PIK3C2G: variants seen among roughly 807,000 people sequenced by gnomAD.
PIK3C2G encodes the protein phosphatidylinositol 3-kinase C2 domain-containing subunit gamma.
A neutral mutation model predicts 181.1 loss-of-function variants in PIK3C2G; 168 were observed. That is an observed-to-expected ratio of 0.93 (90% CI 0.82 to 1.05). PIK3C2G has a LOEUF of 1.05. Among genes scored for constraint, PIK3C2G ranks in the 50% least tolerant of loss-of-function variants. The pLI is 0.00. For missense variants in PIK3C2G, 1,869 were observed against 1,732.8 expected (o/e 1.08, Z -1.40); for synonymous variants, 573 against 592.2 (o/e 0.97, Z 0.47).
At chr12:18,614,483 C>G (rs995444805) in intron 31 of PIK3C2G, among the ~76,000 whole-genome samples, 1 of 152,076 alleles carries the variant, frequency 6.6e-6, no homozygotes, top group African/African-American at 2.4e-5. Context: ...TGAAACTTCA[C>G]TGGACATTGG....
the PIK3C2G span, among the ~76,000 whole-genome samples, chr12:18,659,806 T>A: frequency 1.3e-5 from 2 of 152,042 alleles, no homozygotes; most frequent in Non-Finnish European, 2.9e-5. Flanking sequence ...GTATATCACC[T>A]AATGCTAAAA....
At chr12:18,363,804 T>C (rs968204498) in intron 12 of PIK3C2G, among the ~76,000 whole-genome samples, 2 of 152,124 alleles carry the variant, frequency 1.3e-5, no homozygotes, top group Admixed American at 6.6e-5. Context: ...CCACAATCAA[T>C]GGAGACTGTG....
At chr12:18,295,131 T>G (rs924652552) in intron 5 of PIK3C2G, among the ~76,000 whole-genome samples, 1 of 150,254 alleles carries the variant, frequency 6.7e-6, no homozygotes, top group Non-Finnish European at 1.5e-5. Flanking sequence ...TAAATAATTA[T>G]ACATAAACAA....
intron 23 of PIK3C2G, 51 bp from the exon 24 acceptor site, chr12:18,505,241 T>C: frequency 6.9e-7 from 1 of 1,453,664 alleles, no homozygotes; most frequent in Non-Finnish European, 9.4e-7. Flanking sequence ...TGCTAATGCA[T>C]TTGCTCATTT....
intron 24 of PIK3C2G, among the ~76,000 whole-genome samples, chr12:18,533,982 C>A (rs1053705666): frequency 8.2e-6 from 1 of 122,498 alleles, no homozygotes; most frequent in Non-Finnish European, 1.6e-5. Context: ...CAGAGCCTTG[C>A]TCTGTCTCCC....
At chr12:18,273,125 ATAT>A (rs2137064733) in intron 1 of PIK3C2G, among the ~76,000 whole-genome samples, 1 of 152,258 alleles carries the variant, frequency 6.6e-6, no homozygotes, top group South Asian at 2.1e-4. Context: ...TACACACAAA[ATAT>A]TATGAGGATG....
At chr12:18,279,653 T>C (rs957497969) in intron 1 of PIK3C2G, among the ~76,000 whole-genome samples, 1 of 152,022 alleles carries the variant, frequency 6.6e-6, no homozygotes, top group Non-Finnish European at 1.5e-5. Flanking sequence ...AGTTCCATGA[T>C]AGACAGTTGA....
chr12:18,449,263 ACT>A (rs1476273546), intron 18 of PIK3C2G, among the ~76,000 whole-genome samples: 1 of 151,386 alleles, frequency 6.6e-6, no homozygotes, highest in Non-Finnish European at 1.5e-5. Flanking sequence ...TTTGCATATA[ACT>A]CTTTTTTATT....
the PIK3C2G span, chr12:18,714,808 A>G: frequency 6.6e-6 from 1 of 152,216 alleles, no homozygotes; most frequent in East Asian, 1.9e-4. Flanking sequence ...ATGCTGCCAA[A>G]CATTCTGCAA....
intron 1 of PIK3C2G, among the ~76,000 whole-genome samples, chr12:18,255,511 C>G (rs766009081): frequency 2.6e-5 from 4 of 152,178 alleles, no homozygotes; most frequent in Admixed American, 6.5e-5. Context: ...TATAATACAG[C>G]TTTGCCATGT....
intron 1 of PIK3C2G, among the ~76,000 whole-genome samples, chr12:18,255,050 G>A (rs1948130356): frequency 6.6e-6 from 1 of 151,516 alleles, no homozygotes; most frequent in Admixed American, 6.6e-5. Flanking sequence ...CCAACATGGT[G>A]AAACCCCGTC....
chr12:18,318,028 CATT>C (rs1950943999), intron 6 of PIK3C2G, among the ~76,000 whole-genome samples: 2 of 152,140 alleles, frequency 1.3e-5, no homozygotes, highest in Non-Finnish European at 1.5e-5. Context: ...AATTCTAAAA[CATT>C]ATTAACATTA....
chr12:18,562,729 T>C lies in PIK3C2G; in HGVS notation c.3617T>C (p.Phe1206Ser). ...TKKIKESLEC[F>S]PVKLNNLIHT... Reference sequence around the variant, plus strand: ...AAAATAAAGGAAAGTCTGGAGTGTTTCCCTGTTAAATTGAATAACTTGATC... The same window carrying C: ...AAAATAAAGGAAAGTCTGGAGTGTTCCCCTGTTAAATTGAATAACTTGATC... Residue 1206 changes from phenylalanine (F) to serine (S), a missense_variant, in exon 27 of 33, where the codon TTC (phenylalanine) becomes TCC (serine). By Grantham distance (155) the Phe-to-Ser change is radical (BLOSUM62 -2). Transcript: ENST00000538779. The C allele has an allele frequency of 3.1e-6, 5 of 1,601,704 alleles. No homozygotes were observed. The highest frequency in any genetic ancestry group is 4.3e-6 in the Non-Finnish European group (5 of 1,172,740).
chr12:18,718,501 T>C, the PIK3C2G span, among the ~76,000 whole-genome samples: 1 of 152,138 alleles, frequency 6.6e-6, no homozygotes, highest in African/African-American at 2.4e-5. Context: ...CCTCCCTTCA[T>C]TCACCATTGA....
At chr12:18,596,636 A>C (rs1024156588) in intron 30 of PIK3C2G, among the ~76,000 whole-genome samples, 10 of 152,174 alleles carry the variant, frequency 6.6e-5, no homozygotes, top group Admixed American at 5.9e-4. Context: ...GGATGAGTTA[A>C]TGAGCATGAT....
Position 18,325,065 on chromosome 12 carries a change from T to C in PIK3C2G, c.1239T>C (p.Tyr413=), listed in dbSNP as rs949916834. The C allele has an allele frequency of 2.5e-6, 4 of 1,579,050 alleles. No homozygotes were observed. Among genetic ancestry groups the C allele is most frequent in the East Asian group, 4.5e-5 (2 of 44,640 alleles). Residue 413 remains tyrosine (Y), a synonymous_variant, in exon 8 of 33, where the codon TAT becomes TAC. Transcript: ENST00000538779. ...RQCLLTLIRK[Y]DFHLKYLLKT... ...GTCTCTTAACACTCATCAGAAAATATGACTTCCACCTGAAATACCTATTGA... is the reference window on the plus strand; with the variant it reads ...GTCTCTTAACACTCATCAGAAAATACGACTTCCACCTGAAATACCTATTGA...
chr12:18,370,022 A>G (rs1253317584), intron 12 of PIK3C2G, among the ~76,000 whole-genome samples: 1 of 149,630 alleles, frequency 6.7e-6, no homozygotes, highest in South Asian at 2.1e-4. Context: ...TAACGATCGT[A>G]TAATTGACAT....
Position 18,331,138 on chromosome 12 carries a change from G to A in PIK3C2G, c.1272+6040G>A, listed in dbSNP as rs1331517637. 5.9e-5 allele frequency among the ~76,000 whole-genome samples: 9 copies of A among 151,988 alleles called. No individual in the cohort carries two copies. In the East Asian group the frequency reaches 1.7e-3, roughly 29 times the overall value. On this transcript the variant is annotated intron_variant, in intron 8 of 32. Coordinates refer to ENST00000538779, the MANE Select transcript of PIK3C2G (RefSeq NM_001288772.2). The stretch of plus-strand genomic sequence containing the variant: ...GTCAACATTACCTTAATTACCATAC[G>A]TTCATGGAAAGTCTTGGTATCAGGC...
chr12:18,460,683 T>G (rs945227940), intron 18 of PIK3C2G, among the ~76,000 whole-genome samples: 1 of 149,556 alleles, frequency 6.7e-6, no homozygotes, highest in Admixed American at 6.7e-5. Context: ...ATTAAATCAC[T>G]CAGTACATCT....
Sources: gnomAD v4.1 joint callset for allele counts (sites outside exome capture counted in the v4.1 genomes callset) on GRCh38, gnomAD v4.1.1 for gene constraint, MANE v1.5 for transcripts, NCBI Gene and HGNC (gene_info 2026-07-23, HGNC 2026-07-21) for gene names.